The following CACNG2 variants were observed in gnomAD, a reference collection of about 807,000 sequenced individuals.
The protein encoded by CACNG2 is voltage-dependent calcium channel gamma-2 subunit.
In CACNG2, 3 loss-of-function variants were observed where a neutral mutation model predicts 25.9. That is an observed-to-expected ratio of 0.12 (90% confidence interval 0.05 to 0.30). The LOEUF (loss-of-function observed/expected upper bound fraction) is 0.30, where lower values mean the gene tolerates loss of function less well. Among genes scored for constraint, CACNG2 ranks in the 10% least tolerant of loss-of-function variants. The probability of loss-of-function intolerance (pLI) is 1.00; values close to 1 mark genes in which losing one functional copy is unlikely to be tolerated. For synonymous variants in CACNG2, 167 were observed against 173.3 expected (o/e 0.96, Z 0.29); for missense variants, 341 against 432.5 (o/e 0.79, Z 1.88).
chr22:36,607,208 T>A (rs142654813), intron 1 of CACNG2, among the ~76,000 whole-genome samples: 2 of 152,080 alleles, frequency 1.3e-5, no homozygotes. Context: ...TGGCAAAATA[T>A]ACCTTAATTT....
intron 1 of CACNG2, among the ~76,000 whole-genome samples, chr22:36,658,781 T>C (rs553603162): frequency 6.6e-6 from 1 of 152,132 alleles, no homozygotes; most frequent in Admixed American, 6.5e-5. Context: ...GCAATAGTGC[T>C]CCAGGGGGAA....
intron 1 of CACNG2, among the ~76,000 whole-genome samples, chr22:36,647,595 T>TGAA (rs1936546026): frequency 7.4e-6 from 1 of 135,436 alleles, no homozygotes; most frequent in African/African-American, 3.6e-5. Flanking sequence ...AAACTCCATA[T>TGAA]CAAAAAAAAA....
intron 3 of CACNG2, 113 bp downstream of exon 3, chr22:36,566,240 C>T (rs1468316320): frequency 7.1e-6 from 8 of 1,119,236 alleles, no homozygotes; most frequent in Non-Finnish European, 1.1e-5. Context: ...TAGTGCAAGT[C>T]TTGGAGATTT....
At chr22:36,653,873 T>C (rs996477031) in intron 1 of CACNG2, among the ~76,000 whole-genome samples, 3 of 151,326 alleles carry the variant, frequency 2.0e-5, no homozygotes, top group African/African-American at 7.3e-5. Flanking sequence ...TCCCACATTA[T>C]AAGAGAGAGA....
At chr22:36,596,977 C>T (rs1297234328) in intron 1 of CACNG2, among the ~76,000 whole-genome samples, 20 of 151,882 alleles carry the variant, frequency 1.3e-4, no homozygotes, top group Non-Finnish European at 2.9e-5. Flanking sequence ...TTCTTGAACT[C>T]CTGGGCTCAA....
intron 1 of CACNG2, among the ~76,000 whole-genome samples, chr22:36,619,310 A>T (rs10427872): frequency 0.083 from 12,615 of 152,284 alleles, 1,764 homozygotes; most frequent in African/African-American, 0.29. Context: ...AAAAATTCTG[A>T]GGTTTAAAAT....
intron 1 of CACNG2, among the ~76,000 whole-genome samples, chr22:36,603,499 A>G (rs1935784378): frequency 6.6e-6 from 1 of 152,252 alleles, no homozygotes; most frequent in African/African-American, 2.4e-5. Flanking sequence ...CTATTGGAAG[A>G]AGATGCCATC....
At chr22:36,678,120 C>T (rs1254542489) in intron 1 of CACNG2, among the ~76,000 whole-genome samples, 1 of 152,268 alleles carries the variant, frequency 6.6e-6, no homozygotes, top group East Asian at 1.9e-4. Context: ...CAAGGGAGGG[C>T]AGCTGCTCAC....
At chr22:36,589,536 C>T (rs1026292452) in intron 1 of CACNG2, among the ~76,000 whole-genome samples, 1 of 152,164 alleles carries the variant, frequency 6.6e-6, no homozygotes, top group African/African-American at 2.4e-5. Context: ...ATCTCTGTAA[C>T]TCCCTTTCAC....
At chr22:36,628,074 G>C (rs542983777) in intron 1 of CACNG2, among the ~76,000 whole-genome samples, 1 of 152,170 alleles carries the variant, frequency 6.6e-6, no homozygotes, top group Admixed American at 6.5e-5. Flanking sequence ...CTTCTAAAAT[G>C]TTACCAATGA....
At chr22:36,580,618 C>T (rs1302158557) in intron 2 of CACNG2, among the ~76,000 whole-genome samples, 1 of 152,166 alleles carries the variant, frequency 6.6e-6, no homozygotes, top group African/African-American at 2.4e-5. Context: ...GGCCCCTCAC[C>T]CACACCTCCA....
intron 1 of CACNG2, among the ~76,000 whole-genome samples, chr22:36,698,281 C>G (rs1937366455): frequency 6.6e-6 from 1 of 152,084 alleles, no homozygotes; most frequent in Non-Finnish European, 1.5e-5. Context: ...CTGCATCAAT[C>G]CATTGATAAA....
chr22:36,654,383 G>A (rs1936673897), intron 1 of CACNG2, among the ~76,000 whole-genome samples: 1 of 149,828 alleles, frequency 6.7e-6, no homozygotes, highest in Admixed American at 6.6e-5. Context: ...AGGCCACCAC[G>A]CCTGGCTAAT....
At chr22:36,568,607 G>T (rs1935169099) in intron 2 of CACNG2, among the ~76,000 whole-genome samples, 1 of 151,924 alleles carries the variant, frequency 6.6e-6, no homozygotes, top group African/African-American at 2.4e-5. Flanking sequence ...GTTTCGCTAT[G>T]TTGGCCAGGC....
chr22:36,649,189 G>A (rs749721289), intron 1 of CACNG2, among the ~76,000 whole-genome samples: 13 of 152,102 alleles, frequency 8.5e-5, no homozygotes, highest in South Asian at 4.1e-4. Context: ...CTTCTGCCGC[G>A]GCAGCTCCAT....
intron 1 of CACNG2, among the ~76,000 whole-genome samples, chr22:36,671,041 C>A (rs1811111): frequency 0.33 from 50,190 of 151,410 alleles, 8,673 homozygotes; most frequent in Middle Eastern, 0.43. Flanking sequence ...GCCTCAGCCT[C>A]CTGAGTAGCT....
chr22:36,676,932 T>TTGTGTGTGTGTGTGTG (rs138729815), intron 1 of CACNG2, among the ~76,000 whole-genome samples: 4,942 of 141,638 alleles, frequency 0.035, 103 homozygotes, highest in Middle Eastern at 0.046. Flanking sequence ...TCTTCTAATA[T>TTGTGTGTGTGTGTGTG]TGTGTGTGTG....
chr22:36,659,948 G>A (rs1258547090), intron 1 of CACNG2, among the ~76,000 whole-genome samples: 1 of 152,124 alleles, frequency 6.6e-6, no homozygotes, highest in African/African-American at 2.4e-5. Flanking sequence ...CAGAGCTGCA[G>A]GGAGGACAGT....
At chr22:36,593,177 C>T (rs1354415673) in intron 1 of CACNG2, among the ~76,000 whole-genome samples, 3 of 152,218 alleles carry the variant, frequency 2.0e-5, no homozygotes, top group African/African-American at 7.2e-5. Context: ...CATAGTAAGA[C>T]TGATCGGTAC....
Sources: allele counts gnomAD v4.1 joint callset (sites outside exome capture counted in the v4.1 genomes callset), GRCh38; gene constraint gnomAD v4.1.1; transcripts MANE v1.5; gene names NCBI Gene and HGNC (gene_info 2026-07-23, HGNC 2026-07-21).